Variants in DNAH1 observed in about 807,000 individuals in gnomAD.
DNAH1 encodes the protein dynein axonemal heavy chain 1.
Under a neutral mutation model 484.3 loss-of-function variants are expected in DNAH1, and 327 were observed. The observed-to-expected ratio is 0.68, with a 90% confidence interval of 0.62 to 0.74. The LOEUF (loss-of-function observed/expected upper bound fraction) is 0.74. Among genes scored for constraint, DNAH1 ranks in the 30% least tolerant of loss-of-function variants. The pLI is 0.00. For missense variants in DNAH1, 5,052 were observed against 5,546.8 expected (o/e 0.91, Z 2.83); for synonymous variants, 2,192 against 2,191.9 (o/e 1.00, Z 0.00).
intron 11 of DNAH1, 92 bp from the exon 12 acceptor site, chr3:52,347,730 CAA>C (rs1195336078): frequency 1.4e-6 from 2 of 1,396,228 alleles, no homozygotes; most frequent in African/African-American, 2.9e-5. Context: ...TGGAGAGGCT[CAA>C]GAGTCATAGC....
In DNAH1 at chr3:52,344,605, G is replaced by A. The variant is rs757837335; in HGVS notation, c.1402G>A (p.Val468Ile). 5.6e-6 allele frequency: 9 copies of A among 1,613,776 alleles called. No individual in the cohort carries two copies. The highest frequency in any genetic ancestry group is 2.7e-5 in the African/African-American group (2 of 74,924). ...TTCCAAGCCCGAGACCTTCTCCTACGTCACCCTCCCCAAGAAGGAGGAGGA... is the reference window on the plus strand; with the variant it reads ...TTCCAAGCCCGAGACCTTCTCCTACATCACCCTCCCCAAGAAGGAGGAGGA... ...VSSKPETFSY[V>I]TLPKKEEEQV... Residue 468 changes from valine to isoleucine, a missense_variant, in exon 9 of 78, where the codon GTC becomes ATC. Around this residue, in one of 4 missense-constraint regions of DNAH1, gnomAD observed 1,263 missense variants for 1,218.8 expected, o/e 1.04. Coordinates refer to ENST00000420323, the MANE Select transcript of DNAH1 (RefSeq NM_015512.5).
At position 52,399,076 on chromosome 3, in the gene DNAH1, G is replaced by T. The variant is rs1704779631; in HGVS notation, c.12316G>T (p.Asp4106Tyr). 1 of 1,613,986 alleles carries T rather than the reference G, an allele frequency of 6.2e-7. No individual in the cohort carries two copies. Among genetic ancestry groups the T allele is most frequent in the African/African-American group, 1.3e-5 (1 of 74,950 alleles). The change falls in exon 76 of 78, where the codon GAT becomes TAT. Residue 4106 changes from aspartate to tyrosine, a missense_variant. Physicochemically the swap from Asp to Tyr is radical, Grantham distance 160. Coordinates refer to ENST00000420323, the MANE Select transcript of DNAH1 (RefSeq NM_015512.5). ...GGACTTTCTGCAGGCCTGGATCCAA[G>T]ATGGCATCCCAGCTGTCTTCTGGAT... ...RLDFLQAWIQ[D>Y]GIPAVFWISG...
Position 52,395,793 on chromosome 3 carries a change from G to C in DNAH1, c.11259+115G>C. On this transcript the variant is annotated intron_variant, in intron 70 of 77. Coordinates refer to ENST00000420323, the MANE Select transcript of DNAH1 (RefSeq NM_015512.5). The surrounding 1 kb of genome is among the most constrained non-coding windows in gnomAD (Gnocchi z 4.4). ...CACTCTGCCCAGCCTCTAGCACGTG[G>C]CAAGTGCTCAGCAACTGACATGTGC... 1 of 1,437,926 alleles carries C rather than the reference G, an allele frequency of 7.0e-7. No homozygotes were observed. Among genetic ancestry groups the C allele is most frequent in the Non-Finnish European group, 9.4e-7 (1 of 1,062,576 alleles). The allele number at this position is 1,437,926 out of a possible 1,614,324, so 89.1% of individuals were successfully genotyped here.
Position 52,386,201 on chromosome 3 carries a change from GA to G in DNAH1, c.8668del (p.Thr2890GlnfsTer46), listed in dbSNP as rs775449348. 17 of 1,613,758 alleles carry G rather than the reference GA, an allele frequency of 1.1e-5. No homozygotes were observed. In the South Asian group the frequency reaches 1.9e-4, roughly 18 times the overall value. ...IAEETRNSVQ[T>X]EEIKANEKAK... Reference sequence around the variant, plus strand: ...CCGAGGAGACCCGGAATTCAGTGCAGACAGAGGAGATCAAAGCCAATGAGAA... The same window carrying G: ...CCGAGGAGACCCGGAATTCAGTGCAGCAGAGGAGATCAAAGCCAATGAGAA... On this transcript the variant is annotated frameshift_variant, in exon 55 of 78. Transcript: ENST00000420323. LOFTEE classifies it high-confidence loss of function.
Position 52,384,937 on chromosome 3 carries a change from TG to T in DNAH1, c.8475del (p.Thr2827LeufsTer6). 1.2e-6 allele frequency: 2 copies of T among 1,613,624 alleles called. No individual in the cohort carries two copies. The highest frequency in any genetic ancestry group is 4.5e-5 in the East Asian group (2 of 44,874). ...CTCATCGGGCAGAAGAAACTGGAGC[TG>T]AAAACTGCCAAGAACCGCATGAAGA... ...SILIGQKKLE[L>X]KTAKNRMKSG... On this transcript the variant is annotated frameshift_variant, in exon 53 of 78. Coordinates refer to ENST00000420323, the MANE Select transcript of DNAH1 (RefSeq NM_015512.5). LOFTEE classifies it high-confidence loss of function.
rs1703184704 is a variant in DNAH1, at chr3:52,368,679, C to T, written c.5766-62C>T. On this transcript the variant is annotated intron_variant, in intron 36 of 77. Transcript: ENST00000420323. This position sits in a 1 kb window ranked among gnomAD's most constrained non-coding sequence, Gnocchi z 4.4. Reference sequence around the variant, plus strand: ...CCCGGCGGCCAGGCTTCCCTGGGAGCCAGCTGTGCTCGAAGCACCGCCTCC... The same window carrying T: ...CCCGGCGGCCAGGCTTCCCTGGGAGTCAGCTGTGCTCGAAGCACCGCCTCC... 11 of 1,557,680 alleles carry T rather than the reference C, an allele frequency of 7.1e-6. No homozygotes were observed. Among genetic ancestry groups the T allele is most frequent in the Non-Finnish European group, 9.6e-6 (11 of 1,142,654 alleles).
chr3:52,382,176 C>A, intron 49 of DNAH1, 144 bp from the exon 50 acceptor site: 1 of 1,324,206 alleles, frequency 7.6e-7, no homozygotes, highest in Non-Finnish European at 1.1e-6. Flanking sequence ...GGCAAAAAAG[C>A]AGGTTCAGGG....
chr3:52,359,223 G>A (rs1430328657), intron 25 of DNAH1, 23 bp from the exon 26 acceptor site: 2 of 1,557,830 alleles, frequency 1.3e-6, no homozygotes, highest in South Asian at 1.2e-5. Context: ...GTCCAGGTCA[G>A]CCTGCCCATG....
Position 52,344,117 on chromosome 3 carries a change from T to C in DNAH1, c.1287-373T>C, listed in dbSNP as rs143542420. Among the ~76,000 whole-genome samples the C allele has an allele frequency of 3.7e-3, 570 of 152,244 alleles. 4 individuals carry two copies. The highest frequency in any genetic ancestry group is 0.023 in the South Asian group (112 of 4,820). ...GTGGCAGGCATCTTCCACTGCACCA[T>C]GGGGCAGCAGGCGGGGGTGCTGCAG... is the stretch of plus-strand genomic sequence containing the variant. On this transcript the variant is annotated intron_variant, in intron 8 of 77. Coordinates refer to ENST00000420323, the MANE Select transcript of DNAH1 (RefSeq NM_015512.5).
chr3:52,346,637 C>T lies in DNAH1; in HGVS notation c.1822C>T (p.Gln608Ter), dbSNP rs1427220468. 1 of 1,614,052 alleles carries T rather than the reference C, an allele frequency of 6.2e-7. No individual in the cohort carries two copies. Among genetic ancestry groups the T allele is most frequent in the Non-Finnish European group, 8.5e-7 (1 of 1,179,892 alleles). Residue 608 changes from glutamine to a stop codon, truncating the protein, a stop_gained, in exon 11 of 78, where the codon CAG becomes TAG. Transcript: ENST00000420323. LOFTEE classifies it high-confidence loss of function. ...GATGGAGCTGGTGAAGTACATGCTG[C>T]AGGACACACTGCGCTTCCTGGTGCA... ...KLMELVKYMLQDTLRFLVQDS... is the reference protein window; with the variant it reads ...KLMELVKYML
chr3:52,377,530 A>G (rs948716850), intron 46 of DNAH1, among the ~76,000 whole-genome samples: 6 of 151,694 alleles, frequency 4.0e-5, no homozygotes, highest in Admixed American at 2.0e-4. Context: ...TCTCTCACCC[A>G]TCGCATCCAG....
chr3:52,368,950 T>G lies in DNAH1; in HGVS notation c.5943+32T>G. On this transcript the variant is annotated intron_variant, in intron 37 of 77. Coordinates refer to ENST00000420323, the MANE Select transcript of DNAH1 (RefSeq NM_015512.5). This position sits in a 1 kb window ranked among gnomAD's most constrained non-coding sequence, Gnocchi z 4.4. ...CTACCTGTCCACCTGCCCACTCTCCTCCAAGGCTGGGTGGGCCTGGAGGCT... is the reference window on the plus strand; with the variant it reads ...CTACCTGTCCACCTGCCCACTCTCCGCCAAGGCTGGGTGGGCCTGGAGGCT... The G allele has an allele frequency of 6.2e-7, 1 of 1,603,484 alleles. No homozygotes were observed. Among genetic ancestry groups the G allele is most frequent in the Non-Finnish European group, 8.5e-7 (1 of 1,171,484 alleles).
chr3:52,396,091 G>A (rs1283658842), intron 70 of DNAH1, among the ~76,000 whole-genome samples: 3 of 152,044 alleles, frequency 2.0e-5, no homozygotes, highest in Non-Finnish European at 4.4e-5. Context: ...CCGCCACTAT[G>A]CCCAGCTAAT....
intron 54 of DNAH1, 53 bp downstream of exon 54, chr3:52,385,500 AC>A: frequency 2.1e-6 from 3 of 1,461,634 alleles, no homozygotes; most frequent in Non-Finnish European, 9.4e-7. Flanking sequence ...GAAGCTCGGC[AC>A]CCCCACACAG....
At chr3:52,343,893 C>T (rs1354483765) in intron 8 of DNAH1, among the ~76,000 whole-genome samples, 1 of 152,080 alleles carries the variant, frequency 6.6e-6, no homozygotes, top group Non-Finnish European at 1.5e-5. Flanking sequence ...GTGAAATGGC[C>T]TCCAAGGGGT....
intron 51 of DNAH1, 66 bp downstream of exon 51, chr3:52,383,660 G>A (rs1401206175): frequency 2.7e-6 from 4 of 1,463,224 alleles, no homozygotes; most frequent in African/African-American, 1.4e-5. Flanking sequence ...GGCTGGCCCC[G>A]GGGACACTGG....
chr3:52,394,592 CCTT>C lies in DNAH1; in HGVS notation c.10757_10759del (p.Phe3586del), dbSNP rs1399488066. On this transcript the variant is annotated inframe_deletion, in exon 67 of 78. Transcript: ENST00000420323. Reference sequence around the variant, plus strand: ...CTCTCGAACCTGCCAACCTTTTCCTCCTTCTCTTCCGACTTCGTGAAGCACCTC... The same window carrying C: ...CTCTCGAACCTGCCAACCTTTTCCTCCTCTTCCGACTTCGTGAAGCACCTC... 2 of 1,609,806 alleles carry C rather than the reference CCTT, an allele frequency of 1.2e-6. No homozygotes were observed. Among genetic ancestry groups the C allele is most frequent in the East Asian group, 2.2e-5 (1 of 44,806 alleles).
At position 52,364,564 on chromosome 3, in the gene DNAH1, G is replaced by A; in HGVS notation, c.5245-74G>A. 1.3e-6 allele frequency: 2 copies of A among 1,546,518 alleles called. No homozygotes were observed. The highest frequency in any genetic ancestry group is 1.9e-4 in the Middle Eastern group (1 of 5,326). ...ATGAGACTTGGCCAACTGCCAGGTG[G>A]GAGGCAGAGTGTTCCAGGCAGAAGC... On this transcript the variant is annotated intron_variant, in intron 32 of 77. Transcript: ENST00000420323. This position sits in a 1 kb window ranked among gnomAD's most constrained non-coding sequence, Gnocchi z 4.2.
Position 52,379,770 on chromosome 3 carries a change from C to A in DNAH1, c.7378-135C>A. ...TTGCCAGCAGCCCCCACACACTGTC[C>A]CTGGGCCATGGTGGGAGAGCCAGGC... On this transcript the variant is annotated intron_variant, in intron 47 of 77. Transcript: ENST00000420323. The surrounding 1 kb of genome is among the most constrained non-coding windows in gnomAD (Gnocchi z 4.4). The A allele has an allele frequency of 1.3e-6, 1 of 759,204 alleles. No individual in the cohort carries two copies. The highest frequency in any genetic ancestry group is 2.1e-6 in the Non-Finnish European group (1 of 478,552). The allele number at this position is 759,204 out of a possible 1,614,324, so 47.0% of individuals were successfully genotyped here.
Sources: gnomAD v4.1 joint callset for allele counts (sites outside exome capture counted in the v4.1 genomes callset) on GRCh38, gnomAD v4.1.1 for gene constraint, gnomAD v4.1.1 regional missense constraint, Gnocchi (gnomAD v3.1) non-coding constraint, MANE v1.5 for transcripts, NCBI Gene and HGNC (gene_info 2026-07-23, HGNC 2026-07-21) for gene names.